The following PIK3R6 variants were observed in gnomAD, a reference collection of about 807,000 sequenced individuals.
PIK3R6 encodes phosphoinositide 3-kinase regulatory subunit 6.
PIK3R6 carries 91 observed loss-of-function variants against 84.9 expected under a neutral mutation model. The observed-to-expected ratio is 1.07, with a 90% CI of 0.90 to 1.28. PIK3R6 has a LOEUF of 1.28. PIK3R6 is among the 50% of genes most tolerant of loss of function. PIK3R6 has a pLI of 0.00. For missense variants in PIK3R6, 996 were observed against 985.1 expected, an observed-to-expected ratio of 1.01 and a Z score of -0.15; for synonymous variants, 416 against 411.4, an observed-to-expected ratio of 1.01 and a Z score of -0.13.
rs2151274571 is a variant in PIK3R6, at chr17:8,838,600, T to C, written c.153A>G (p.Pro51=). The change falls in exon 4 of 20, where the codon CCA becomes CCG. Residue 51 remains proline, a synonymous_variant. Coordinates refer to ENST00000619866, the MANE Select transcript of PIK3R6 (RefSeq NM_001010855.4). ...KKVERDPGKS[P]VLVRILLREL... is the part of the protein sequence containing the mutation. ...CTCTGAGAAGAATGCGGACCAGCAC[T>C]GGGCTCTTACCGGGATCTCGCTCGA... The C allele has an allele frequency of 1.9e-6, 3 of 1,607,290 alleles. No individual in the cohort carries two copies. The highest frequency in any genetic ancestry group is 2.5e-6 in the Non-Finnish European group (3 of 1,176,924).
At position 8,829,519 on chromosome 17, in the gene PIK3R6, C is replaced by T. The variant is rs527366985; in HGVS notation, c.889+187G>A. Reference sequence around the variant, plus strand: ...ACACACTGACACACACTCATGCATACACACACACTGACACACGCATGCACA... The same window carrying T: ...ACACACTGACACACACTCATGCATATACACACACTGACACACGCATGCACA... On this transcript the variant is annotated intron_variant, in intron 10 of 19. Transcript: ENST00000619866. 9.8e-4 allele frequency among the ~76,000 whole-genome samples: 94 copies of T among 95,632 alleles called. 1 individual carries two copies. The highest frequency in any genetic ancestry group is 5.0e-3 in the East Asian group (20 of 3,998). 62.7% of individuals were successfully genotyped at this position (95,632 alleles called of 152,430 possible).
At chr17:8,867,498 C>T in intron 1 of PIK3R6, 31 bp downstream of exon 1, 1 of 407,982 alleles carries the variant, frequency 2.5e-6, no homozygotes. Flanking sequence ...GATCTGCCTG[C>T]CTGGCGATCT....
chr17:8,866,397 C>G (rs1372750329), intron 1 of PIK3R6, among the ~76,000 whole-genome samples: 1 of 152,044 alleles, frequency 6.6e-6, no homozygotes, highest in Non-Finnish European at 1.5e-5. Context: ...AAAAAATTAG[C>G]CAGGCGTGGT....
In PIK3R6 at chr17:8,844,552, C is replaced by G. The variant is rs1356733671; in HGVS notation, c.14-4855G>C. On this transcript the variant is annotated intron_variant, in intron 2 of 19. Transcript: ENST00000619866. This position sits in a 1 kb window ranked among gnomAD's most constrained non-coding sequence, Gnocchi z 4.5. ...TGGCATCCATTATTATTATCCTCCT[C>G]TGCATCCAGGAATGTGGGATATTAC... is the stretch of plus-strand genomic sequence containing the variant. Among the ~76,000 whole-genome samples the G allele has an allele frequency of 6.6e-6, 1 of 152,100 alleles. No homozygotes were observed. Among genetic ancestry groups the G allele is most frequent in the Non-Finnish European group, 1.5e-5 (1 of 68,030 alleles).
intron 2 of PIK3R6, among the ~76,000 whole-genome samples, chr17:8,848,010 G>T (rs1303838367): frequency 1.3e-5 from 2 of 152,124 alleles, no homozygotes; most frequent in East Asian, 1.9e-4. Flanking sequence ...TTCAGCCTTG[G>T]TGTGGGCACA....
At chr17:8,861,733 G>A (rs1339097287) in intron 1 of PIK3R6, among the ~76,000 whole-genome samples, 1 of 152,216 alleles carries the variant, frequency 6.6e-6, no homozygotes, top group Non-Finnish European at 1.5e-5. Flanking sequence ...TGCAAGAGAA[G>A]TGATGCTGGC....
At chr17:8,816,037 C>T (rs917667017) in intron 18 of PIK3R6, among the ~76,000 whole-genome samples, 1 of 152,118 alleles carries the variant, frequency 6.6e-6, no homozygotes, top group African/African-American at 2.4e-5. Context: ...AATTTTTCCA[C>T]CCAGTTTCCT....
In PIK3R6 at chr17:8,835,309, C is replaced by T; in HGVS notation, c.609G>A (p.Glu203=). ...TGTGCAGAGCGCCTGCGTGACAGGC[C>T]TCCCCCAGAGCCGCCTGCAGGGCGT... The part of the protein sequence containing the change: ...VSHALQAALG[E]ACHAGALHRK... Residue 203 remains glutamate (E), a synonymous_variant, in exon 8 of 20, where the codon GAG becomes GAA. Coordinates refer to ENST00000619866, the MANE Select transcript of PIK3R6 (RefSeq NM_001010855.4). The T allele has an allele frequency of 6.3e-7, 1 of 1,594,026 alleles. No homozygotes were observed.
chr17:8,825,498 T>C (rs1271191432), intron 13 of PIK3R6, among the ~76,000 whole-genome samples: 1 of 152,216 alleles, frequency 6.6e-6, no homozygotes, highest in Admixed American at 6.5e-5. Flanking sequence ...CAAGCACATG[T>C]AAGGATCACG....
At chr17:8,863,978 T>C (rs1171727767) in intron 1 of PIK3R6, among the ~76,000 whole-genome samples, 1 of 152,082 alleles carries the variant, frequency 6.6e-6, no homozygotes. Flanking sequence ...GTTGCAAGGG[T>C]GCCCAGTGTT....
At chr17:8,822,549 C>G in intron 16 of PIK3R6, 38 bp downstream of exon 16, 1 of 1,606,500 alleles carries the variant, frequency 6.2e-7, no homozygotes, top group Non-Finnish European at 8.5e-7. Flanking sequence ...CCAGCTGTAC[C>G]TCTTGGCTAC....
At chr17:8,838,232 A>G in intron 4 of PIK3R6, 3 of 439,508 alleles carry the variant, frequency 6.8e-6, no homozygotes, top group Non-Finnish European at 1.2e-5. Flanking sequence ...GTGAAGGAGA[A>G]TTTAGGTGGC....
At chr17:8,860,385 CT>C (rs1398528618) in intron 1 of PIK3R6, among the ~76,000 whole-genome samples, 11 of 152,160 alleles carry the variant, frequency 7.2e-5, no homozygotes, top group Non-Finnish European at 1.6e-4. Flanking sequence ...TTAAGAGAAT[CT>C]AATACCTGAT....
chr17:8,805,418 C>A (rs2087174601), intron 18 of PIK3R6, among the ~76,000 whole-genome samples: 1 of 152,084 alleles, frequency 6.6e-6, no homozygotes, highest in Admixed American at 6.5e-5. Flanking sequence ...GGAAGGGGAA[C>A]CTACTGTGGG....
intron 8 of PIK3R6, among the ~76,000 whole-genome samples, chr17:8,834,715 T>C (rs1279533552): frequency 6.6e-6 from 1 of 152,116 alleles, no homozygotes; most frequent in African/African-American, 2.4e-5. Context: ...TGCAATCACT[T>C]TGGCTTTGAC....
chr17:8,834,965 G>T (rs1232729533), intron 8 of PIK3R6, among the ~76,000 whole-genome samples: 1 of 152,086 alleles, frequency 6.6e-6, no homozygotes, highest in South Asian at 2.1e-4. Context: ...AGCCTCCAGA[G>T]TAGCTAGGAT....
At chr17:8,849,739 C>G (rs574879025) in intron 2 of PIK3R6, 43 bp downstream of exon 2, 4 of 1,589,850 alleles carry the variant, frequency 2.5e-6, no homozygotes, top group East Asian at 4.5e-5. Context: ...CTTCCCCACT[C>G]GGCAGCAGGC....
chr17:8,823,179 T>C (rs756171169), intron 14 of PIK3R6, 93 bp from the exon 15 acceptor site: 5 of 1,026,204 alleles, frequency 4.9e-6, no homozygotes, highest in Non-Finnish European at 7.5e-6. Flanking sequence ...GGAGAACCCT[T>C]CCACATAAAG....
intron 18 of PIK3R6, among the ~76,000 whole-genome samples, chr17:8,809,784 A>G (rs1292863816): frequency 6.6e-6 from 1 of 152,176 alleles, no homozygotes; most frequent in Non-Finnish European, 1.5e-5. Context: ...AATCTGCCTA[A>G]CTGTTAAAGA....
Sources: gnomAD v4.1 joint callset for allele counts (sites outside exome capture counted in the v4.1 genomes callset) on GRCh38, gnomAD v4.1.1 for gene constraint, Gnocchi (gnomAD v3.1) non-coding constraint, MANE v1.5 for transcripts, NCBI Gene and HGNC (gene_info 2026-07-23, HGNC 2026-07-21) for gene names.